STAT4: variants seen among roughly 807,000 people sequenced by gnomAD.
STAT4 encodes signal transducer and activator of transcription 4.
Under a neutral mutation model 110.5 loss-of-function variants are expected in STAT4, and 42 were observed. The ratio of observed to expected loss-of-function variants is 0.38; its 90% CI spans 0.30 to 0.49. The LOEUF is 0.49. Among genes scored for constraint, STAT4 ranks in the 20% least tolerant of loss-of-function variants. The probability of loss-of-function intolerance (pLI) is 0.95; values close to 1 mark genes in which losing one functional copy is unlikely to be tolerated. For missense variants in STAT4, 632 were observed against 887.9 expected, an observed-to-expected ratio of 0.71 and a Z score of 3.66; for synonymous variants, 284 against 302.2, an observed-to-expected ratio of 0.94 and a Z score of 0.63.
chr2:191,114,172 G>A (rs1698503254), intron 3 of STAT4, among the ~76,000 whole-genome samples: 1 of 152,182 alleles, frequency 6.6e-6, no homozygotes, highest in Non-Finnish European at 1.5e-5. Context: ...ATCCTTAAGT[G>A]TTATAGTATT....
In STAT4 at chr2:191,120,992, G is replaced by A. The variant is rs555479272; in HGVS notation, c.273+25621C>T. Among the ~76,000 whole-genome samples, 15 of 152,290 alleles carry A rather than the reference G, an allele frequency of 9.8e-5. No individual in the cohort carries two copies. The East Asian group carries it at 2.3e-3, about 24-fold the overall frequency. On this transcript the variant is annotated intron_variant, in intron 3 of 23. Coordinates refer to ENST00000392320, the MANE Select transcript of STAT4 (RefSeq NM_003151.4). ...CATCAGAGTGAACAGGCAACCTACA[G>A]AGTGGGAGAAAATTTTTGCAATCTA...
chr2:191,120,905 G>A (rs1698707095), intron 3 of STAT4, among the ~76,000 whole-genome samples: 1 of 152,160 alleles, frequency 6.6e-6, no homozygotes, highest in Non-Finnish European at 1.5e-5. Context: ...GGCAACAAAA[G>A]CCAAAATTGA....
In STAT4 at chr2:191,077,878, T is replaced by C. The variant is rs528620716; in HGVS notation, c.274-1553A>G. On this transcript the variant is annotated intron_variant, in intron 3 of 23. Transcript: ENST00000392320. This position sits in a 1 kb window ranked among gnomAD's most constrained non-coding sequence, Gnocchi z 4.1. Reference sequence around the variant, plus strand: ...ATGAAAAAAACAAAAATAAATTGACTGAAACTCAAAAGGTAAAGAAATAAA... The same window carrying C: ...ATGAAAAAAACAAAAATAAATTGACCGAAACTCAAAAGGTAAAGAAATAAA... 2.0e-5 allele frequency among the ~76,000 whole-genome samples: 3 copies of C among 152,100 alleles called. No homozygotes were observed. Among genetic ancestry groups the C allele is most frequent in the Non-Finnish European group, 4.4e-5 (3 of 67,996 alleles).
At chr2:191,130,220 C>CT (rs34523590) in intron 3 of STAT4, among the ~76,000 whole-genome samples, 4,371 of 115,734 alleles carry the variant, frequency 0.038, 202 homozygotes, top group African/African-American at 0.1. Flanking sequence ...GTCTATCTCC[C>CT]TTTTTTTTTT....
rs893996361 is a variant in STAT4, at chr2:191,043,650, T to C, written c.1252-2502A>G. Among the ~76,000 whole-genome samples the C allele has an allele frequency of 1.3e-5, 2 of 152,004 alleles. No homozygotes were observed. The highest frequency in any genetic ancestry group is 4.8e-5 in the African/African-American group (2 of 41,398). On this transcript the variant is annotated intron_variant, in intron 14 of 23. Coordinates refer to ENST00000392320, the MANE Select transcript of STAT4 (RefSeq NM_003151.4). The surrounding 1 kb of genome is among the most constrained non-coding windows in gnomAD (Gnocchi z 4.8). ...AAAAAGACATGTAGAAGAATGTTAA[T>C]TGAAGAATGTTTATAGTAGAACTGC...
At position 191,059,547 on chromosome 2, in the gene STAT4, T is replaced by C. The variant is rs1696793253; in HGVS notation, c.1035-778A>G. Among the ~76,000 whole-genome samples the C allele has an allele frequency of 1.3e-5, 2 of 152,218 alleles. No homozygotes were observed. ...ATTCACTCAGCATGCACTGAGCTCC[T>C]CATATTTATGCAGTACACCCTTAGG... On this transcript the variant is annotated intron_variant, in intron 10 of 23. Transcript: ENST00000392320. This position sits in a 1 kb window ranked among gnomAD's most constrained non-coding sequence, Gnocchi z 4.7.
At chr2:191,076,739 G>A (rs1238011689) in intron 3 of STAT4, among the ~76,000 whole-genome samples, 3 of 150,486 alleles carry the variant, frequency 2.0e-5, no homozygotes, top group East Asian at 3.9e-4. Flanking sequence ...TCCACCTCCC[G>A]GGTTCAAGTG....
Position 191,043,221 on chromosome 2 carries a change from T to C in STAT4, c.1252-2073A>G, listed in dbSNP as rs1008205620. Reference sequence around the variant, plus strand: ...GAAAATAATAAAGAACCACTTAAAATATAATAAGAGAAATAGACAAGTCAG... The same window carrying C: ...GAAAATAATAAAGAACCACTTAAAACATAATAAGAGAAATAGACAAGTCAG... On this transcript the variant is annotated intron_variant, in intron 14 of 23. Transcript: ENST00000392320. The surrounding 1 kb of genome is among the most constrained non-coding windows in gnomAD (Gnocchi z 4.8). Among the ~76,000 whole-genome samples the C allele has an allele frequency of 6.6e-6, 1 of 151,916 alleles. No individual in the cohort carries two copies. The highest frequency in any genetic ancestry group is 2.4e-5 in the African/African-American group (1 of 41,346).
At position 191,033,614 on chromosome 2, in the gene STAT4, G is replaced by A. The variant is rs760443863; in HGVS notation, c.1728C>T (p.Gly576=). The A allele has an allele frequency of 6.2e-7, 1 of 1,612,222 alleles. No homozygotes were observed. The highest frequency in any genetic ancestry group is 2.2e-5 in the East Asian group (1 of 44,860). Residue 576 remains glycine, a synonymous_variant, in exon 20 of 24, where the codon GGC becomes GGT. Coordinates refer to ENST00000392320, the MANE Select transcript of STAT4 (RefSeq NM_003151.4). The surrounding 1 kb of genome is among the most constrained non-coding windows in gnomAD (Gnocchi z 6.9). ...GCCGTTCCTTCTCTTTGCTAACAAAGCCCATGACATACCTAAAAATAGAAC... is the reference window on the plus strand; with the variant it reads ...GCCGTTCCTTCTCTTTGCTAACAAAACCCATGACATACCTAAAAATAGAAC... ...LPLWIDGYVM[G]FVSKEKERLL...
chr2:191,122,392 A>G (rs1157271935), intron 3 of STAT4, among the ~76,000 whole-genome samples: 1 of 152,032 alleles, frequency 6.6e-6, no homozygotes, highest in Non-Finnish European at 1.5e-5. Context: ...GAACTCTCAT[A>G]TACTTCTGTG....
intron 4 of STAT4, among the ~76,000 whole-genome samples, chr2:191,075,833 C>CTTTT (rs1424144074): frequency 1.5e-5 from 2 of 130,020 alleles, no homozygotes; most frequent in Non-Finnish European, 3.2e-5. Context: ...TCCTTTCTTT[C>CTTTT]TTTCTTTTTT....
chr2:191,123,823 T>C (rs1698802745), intron 3 of STAT4, among the ~76,000 whole-genome samples: 1 of 152,220 alleles, frequency 6.6e-6, no homozygotes, highest in Admixed American at 6.5e-5. Flanking sequence ...AGTATTGTAC[T>C]GCGTTATTAT....
chr2:191,134,450 A>G (rs1699124807), intron 3 of STAT4, among the ~76,000 whole-genome samples: 1 of 152,148 alleles, frequency 6.6e-6, no homozygotes, highest in Admixed American at 6.5e-5. Flanking sequence ...AAGGACAGAC[A>G]TGGTCAGCCC....
rs397740293 is a variant in STAT4 at position 191,042,777 on chromosome 2, C to CT, written c.1252-1630dup. On this transcript the variant is annotated intron_variant, in intron 14 of 23. Coordinates refer to ENST00000392320, the MANE Select transcript of STAT4 (RefSeq NM_003151.4). This position sits in a 1 kb window ranked among gnomAD's most constrained non-coding sequence, Gnocchi z 4.2. ...CTTAAATTCATTCATTGTATTCTCT[C>CT]TTTTTTTTTTTTCTTTTTTGAGATG... Among the ~76,000 whole-genome samples, 44,275 of 147,512 alleles carry CT rather than the reference C, an allele frequency of 0.3. 7,221 individuals carry two copies. Among genetic ancestry groups the CT allele is most frequent in the East Asian group, 0.56 (2,825 of 5,068 alleles).
Position 191,031,467 on chromosome 2 carries a change from A to G in STAT4, c.2094T>C (p.Phe698=). 1.9e-6 allele frequency: 3 copies of G among 1,613,310 alleles called. No individual in the cohort carries two copies. The highest frequency in any genetic ancestry group is 2.5e-6 in the Non-Finnish European group (3 of 1,179,642). ...RGDKGYVPSV[F]IPISTIRSDS... ...TTACTCACATTGTTGAGATGGGGATAAAAACAGAAGGAACATAACCTTTGT... is the reference window on the plus strand; with the variant it reads ...TTACTCACATTGTTGAGATGGGGATGAAAACAGAAGGAACATAACCTTTGT... The change falls in exon 22 of 24, where the codon TTT becomes TTC. Residue 698 remains phenylalanine, a synonymous_variant. Transcript: ENST00000392320. The surrounding 1 kb of genome is among the most constrained non-coding windows in gnomAD (Gnocchi z 4.8).
chr2:191,094,178 C>T (rs898435450), intron 3 of STAT4, among the ~76,000 whole-genome samples: 7 of 152,212 alleles, frequency 4.6e-5, no homozygotes, highest in Middle Eastern at 3.4e-3. Context: ...GGATATTATC[C>T]GGGAGAACTT....
In STAT4 at chr2:191,144,355, C is replaced by T. The variant is rs1699407838; in HGVS notation, c.273+2258G>A. Among the ~76,000 whole-genome samples the T allele has an allele frequency of 6.6e-6, 1 of 152,068 alleles. No individual in the cohort carries two copies. Among genetic ancestry groups the T allele is most frequent in the Admixed American group, 6.6e-5 (1 of 15,260 alleles). On this transcript the variant is annotated intron_variant, in intron 3 of 23. Transcript: ENST00000392320. The surrounding 1 kb of genome is among the most constrained non-coding windows in gnomAD (Gnocchi z 4.7). ...TAGATTCTTTAGGGATGGATGGGAA[C>T]TAGACTGGTGGAAGAGGGATGGAAG...
At position 191,150,190 on chromosome 2, in the gene STAT4, A is replaced by G. The variant is rs1699558882; in HGVS notation, c.-2+757T>C. ...AACACCGAAAAAAATCACTACTAAG[A>G]TCTGAGTCTTTCGGAGAGCTGAATT... is the stretch of plus-strand genomic sequence containing the variant. On this transcript the variant is annotated intron_variant, in intron 1 of 23. Transcript: ENST00000392320. The surrounding 1 kb of genome is among the most constrained non-coding windows in gnomAD (Gnocchi z 6.4). 6.6e-6 allele frequency among the ~76,000 whole-genome samples: 1 copy of G among 152,218 alleles called. No homozygotes were observed. The highest frequency in any genetic ancestry group is 2.4e-5 in the African/African-American group (1 of 41,450).
At chr2:191,078,871 C>G (rs1247505608) in intron 3 of STAT4, among the ~76,000 whole-genome samples, 1 of 152,076 alleles carries the variant, frequency 6.6e-6, no homozygotes, top group East Asian at 1.9e-4. Flanking sequence ...AGAAATCTTT[C>G]TGTAAGCTGC....
Sources: allele counts gnomAD v4.1 joint callset (sites outside exome capture counted in the v4.1 genomes callset), GRCh38; gene constraint gnomAD v4.1.1; non-coding constraint Gnocchi (gnomAD v3.1); transcripts MANE v1.5; gene names NCBI Gene and HGNC (gene_info 2026-07-23, HGNC 2026-07-21).